SMG9: variants seen among roughly 807,000 people sequenced by gnomAD.
The protein encoded by SMG9 is nonsense-mediated mRNA decay factor SMG9.
A neutral mutation model predicts 64.0 loss-of-function variants in SMG9; 55 were observed. The ratio of observed to expected loss-of-function variants is 0.86; its 90% CI spans 0.69 to 1.08. The LOEUF (loss-of-function observed/expected upper bound fraction) is 1.08, where lower values mean the gene tolerates loss of function less well. Among genes scored for constraint, SMG9 ranks in the 50% least tolerant of loss-of-function variants. The probability of loss-of-function intolerance (pLI) is 0.00; values close to 1 mark genes in which losing one functional copy is unlikely to be tolerated. For missense variants in SMG9, 554 were observed against 681.3 expected (o/e 0.81, Z 2.08); for synonymous variants, 244 against 254.8 (o/e 0.96, Z 0.41).
At chr19:43,747,038 G>A (rs1349746277) in intron 5 of SMG9, among the ~76,000 whole-genome samples, 1 of 152,028 alleles carries the variant, frequency 6.6e-6, no homozygotes, top group Non-Finnish European at 1.5e-5. Flanking sequence ...GGCTGGTCTT[G>A]AACTCCTGGG....
intron 5 of SMG9, among the ~76,000 whole-genome samples, chr19:43,745,687 T>C (rs1049687363): frequency 2.0e-5 from 3 of 151,870 alleles, no homozygotes; most frequent in African/African-American, 7.3e-5. Flanking sequence ...GCCAACATGG[T>C]GAAACTCCGT....
At chr19:43,743,554 G>C (rs1360084312) in intron 6 of SMG9, among the ~76,000 whole-genome samples, 1 of 152,196 alleles carries the variant, frequency 6.6e-6, no homozygotes, top group African/African-American at 2.4e-5. Context: ...CCAGCACTTT[G>C]AGAGGCCAAA....
chr19:43,745,767 C>T (rs1599654244), intron 5 of SMG9, among the ~76,000 whole-genome samples: 2 of 152,062 alleles, frequency 1.3e-5, no homozygotes, highest in South Asian at 2.1e-4. Context: ...TTTGGGAGGC[C>T]GAGGCAGGCG....
Position 43,747,452 on chromosome 19 carries a change from C to T in SMG9, c.578G>A (p.Ser193Asn). Residue 193 changes from serine to asparagine, a missense_variant, in exon 5 of 14, where the codon AGT becomes AAT. Ser to Asn is a conservative substitution (Grantham distance 46). Coordinates refer to ENST00000270066, the MANE Select transcript of SMG9 (RefSeq NM_019108.4). ...LVDDQMNWCD[S>N]AIEYLLDQTD... ...AGGACCCCTCGGTACCTCGATGGCA[C>T]TGTCACACCAATTCATCTGGTCATC... 3 of 1,613,738 alleles carry T rather than the reference C, an allele frequency of 1.9e-6. No homozygotes were observed. In the South Asian group the frequency reaches 3.3e-5, roughly 18 times the overall value.
At chr19:43,735,614 C>CAAA (rs889721095) in intron 9 of SMG9, among the ~76,000 whole-genome samples, 7,818 of 51,458 alleles carry the variant, frequency 0.15, 732 homozygotes, top group Non-Finnish European at 0.19. Context: ...GACTCTGTCT[C>CAAA]AAAAAAAAAA....
chr19:43,753,954 G>C (rs1282264127), intron 1 of SMG9, among the ~76,000 whole-genome samples: 5 of 151,802 alleles, frequency 3.3e-5, no homozygotes, highest in African/African-American at 1.2e-4. Context: ...ATGCAAGCTG[G>C]GGACTTCCAA....
intron 7 of SMG9, 78 bp downstream of exon 7, chr19:43,740,029 T>C (rs1329276551): frequency 2.9e-6 from 3 of 1,034,144 alleles, no homozygotes; most frequent in Non-Finnish European, 1.5e-6. Context: ...CCACGCAGGG[T>C]TCTGGCTTAA....
In SMG9 at chr19:43,733,607, G is replaced by C; in HGVS notation, c.1210+19C>G. 1 of 1,612,560 alleles carries C rather than the reference G, an allele frequency of 6.2e-7. No individual in the cohort carries two copies. The highest frequency in any genetic ancestry group is 8.5e-7 in the Non-Finnish European group (1 of 1,178,616). On this transcript the variant is annotated intron_variant, in intron 11 of 13. Coordinates refer to ENST00000270066, the MANE Select transcript of SMG9 (RefSeq NM_019108.4). ...ATTAGGAGGCTGACTAGCTTGGGGG[G>C]TGATGTGGGAACCCTTACCCTTGTA...
chr19:43,740,073 G>C (rs1968799300), intron 7 of SMG9, 34 bp downstream of exon 7: 3 of 1,372,540 alleles, frequency 2.2e-6, no homozygotes, highest in Non-Finnish European at 3.1e-6. Context: ...TGCAGGATGT[G>C]GCAGGGTGGG....
intron 6 of SMG9, among the ~76,000 whole-genome samples, chr19:43,743,679 C>G (rs1968909886): frequency 6.6e-6 from 1 of 152,118 alleles, no homozygotes; most frequent in South Asian, 2.1e-4. Context: ...CCCTGTAGTC[C>G]CAGCTACTTG....
chr19:43,727,994 G>A lies in SMG9; in HGVS notation c.*3602C>T, dbSNP rs1940451281. On this transcript the variant is annotated 3_prime_UTR_variant, in exon 14 of 14. Transcript: ENST00000270066. ...ACCAATCGCTTGCATTAAGGAGAAAGAGTATGTATTGGCTCATTTATTTGC... is the reference window on the plus strand; with the variant it reads ...ACCAATCGCTTGCATTAAGGAGAAAAAGTATGTATTGGCTCATTTATTTGC... 6.6e-6 allele frequency: 1 copy of A among 152,236 alleles called. No individual in the cohort carries two copies. Among genetic ancestry groups the A allele is most frequent in the African/African-American group, 2.4e-5 (1 of 41,458 alleles). The allele number at this position is 152,236 out of a possible 1,614,324, so 9.4% of individuals were successfully genotyped here.
At chr19:43,753,334 C>G (rs1435463783) in intron 1 of SMG9, among the ~76,000 whole-genome samples, 1 of 152,194 alleles carries the variant, frequency 6.6e-6, no homozygotes, top group African/African-American at 2.4e-5. Context: ...TGAAATCTAC[C>G]CAGTGCTTAA....
chr19:43,750,259 A>G (rs1568382717), intron 2 of SMG9: 1 of 550,916 alleles, frequency 1.8e-6, no homozygotes, highest in South Asian at 1.4e-5. Context: ...CTGGCCTCCT[A>G]TGGCTACTCC....
At chr19:43,740,311 C>G (rs1050562622) in intron 6 of SMG9, 93 bp from the exon 7 acceptor site, 12 of 818,590 alleles carry the variant, frequency 1.5e-5, no homozygotes, top group East Asian at 6.1e-5. Flanking sequence ...GCATGTGAGC[C>G]GTGGTGCCCT....
intron 6 of SMG9, 52 bp from the exon 7 acceptor site, chr19:43,740,270 G>T: frequency 7.7e-7 from 1 of 1,290,394 alleles, no homozygotes; most frequent in Non-Finnish European, 1.1e-6. Context: ...CTCAGCCTTG[G>T]ATGCATCCGA....
At chr19:43,738,021 G>T in intron 8 of SMG9, 101 bp downstream of exon 8, 1 of 1,161,204 alleles carries the variant, frequency 8.6e-7, no homozygotes, top group Non-Finnish European at 1.3e-6. Flanking sequence ...CTCTTCTGAA[G>T]CAGAAACTAA....
chr19:43,730,739 TGTATTTTTAGTAGA>T lies in SMG9; in HGVS notation c.*843_*856del, dbSNP rs1167966179. 6.6e-6 allele frequency: 1 copy of T among 152,116 alleles called. No individual in the cohort carries two copies. The highest frequency in any genetic ancestry group is 1.9e-4 in the East Asian group (1 of 5,194). The allele number at this position is 152,116 out of a possible 1,614,324, so 9.4% of individuals were successfully genotyped here. ...CCACCACGCCCAGCTAATTTTTTTT[TGTATTTTTAGTAGA>T]GACAGGGTCTCACCATGTTGGCCAG... On this transcript the variant is annotated 3_prime_UTR_variant, in exon 14 of 14. Transcript: ENST00000270066.
intron 6 of SMG9, among the ~76,000 whole-genome samples, chr19:43,741,539 TTGC>T (rs1270454428): frequency 2.0e-5 from 3 of 152,204 alleles, no homozygotes; most frequent in African/African-American, 2.4e-5. Context: ...AAAGGTCCCC[TTGC>T]TGCTATGTGG....
At chr19:43,740,284 G>T in intron 6 of SMG9, 66 bp from the exon 7 acceptor site, 1 of 1,130,078 alleles carries the variant, frequency 8.8e-7, no homozygotes. Flanking sequence ...CATCCGAAGT[G>T]TGACCCTGTG....
Sources: gnomAD v4.1 joint callset for allele counts (sites outside exome capture counted in the v4.1 genomes callset) on GRCh38, gnomAD v4.1.1 for gene constraint, MANE v1.5 for transcripts, NCBI Gene and HGNC (gene_info 2026-07-23, HGNC 2026-07-21) for gene names.